The following PRKN variants were observed in gnomAD, a reference collection of about 807,000 sequenced individuals.
PRKN encodes E3 ubiquitin-protein ligase parkin.
In PRKN, 56 loss-of-function variants were observed where a neutral mutation model predicts 59.5. That is an observed-to-expected ratio of 0.94 (90% CI 0.76 to 1.18). The LOEUF is 1.18. Among genes scored for constraint, PRKN ranks in the 50% most tolerant of loss-of-function variants. The pLI is 0.00. For synonymous variants in PRKN, 250 were observed against 222.1 expected (o/e 1.13, Z -1.12); for missense variants, 657 against 596.4 (o/e 1.10, Z -1.06).
At chr6:161,696,725 A>T (rs2128177558) in intron 7 of PRKN, among the ~76,000 whole-genome samples, 1 of 152,318 alleles carries the variant, frequency 6.6e-6, no homozygotes, top group Non-Finnish European at 1.5e-5. Context: ...TTTATTGTTA[A>T]GATTATTTCA....
intron 7 of PRKN, among the ~76,000 whole-genome samples, chr6:161,688,029 C>T (rs955980400): frequency 4.6e-5 from 7 of 152,052 alleles, no homozygotes; most frequent in Non-Finnish European, 8.8e-5. Flanking sequence ...TTCCTTCCCT[C>T]GTCAGTCTTT....
intron 1 of PRKN, among the ~76,000 whole-genome samples, chr6:162,444,671 C>A (rs925167632): frequency 6.6e-6 from 1 of 152,090 alleles, no homozygotes; most frequent in African/African-American, 2.4e-5. Flanking sequence ...ATTCAGGGCA[C>A]CAGTGGCATT....
intron 1 of PRKN, among the ~76,000 whole-genome samples, chr6:162,616,080 C>A (rs989308098): frequency 6.6e-6 from 1 of 152,158 alleles, no homozygotes; most frequent in Non-Finnish European, 1.5e-5. Flanking sequence ...GCTCTTAAAC[C>A]TATAAATATT....
At chr6:161,491,217 A>G (rs1314731528) in intron 9 of PRKN, among the ~76,000 whole-genome samples, 3 of 152,170 alleles carry the variant, frequency 2.0e-5, no homozygotes, top group African/African-American at 7.2e-5. Context: ...TCTCTTAGAA[A>G]ACTTCGTATG....
rs79280529 is a variant in PRKN at position 161,457,090 on chromosome 6, C to T, written c.1084-70213G>A. ...TTAACAAATATCCACTGAGCGTCTTCGCTACGCAAGGCTCTCTTCCAGACC... is the reference window on the plus strand; with the variant it reads ...TTAACAAATATCCACTGAGCGTCTTTGCTACGCAAGGCTCTCTTCCAGACC... On this transcript the variant is annotated intron_variant, in intron 9 of 11. Coordinates refer to ENST00000366898, the MANE Select transcript of PRKN (RefSeq NM_004562.3). The surrounding 1 kb of genome is among the most constrained non-coding windows in gnomAD (Gnocchi z 5.0). 0.048 allele frequency among the ~76,000 whole-genome samples: 7,283 copies of T among 152,284 alleles called. 196 individuals are homozygous for T. Among genetic ancestry groups the T allele is most frequent in the African/African-American group, 0.069 (2,858 of 41,560 alleles).
chr6:162,433,692 ATGTTTG>A (rs1028052308), intron 2 of PRKN, among the ~76,000 whole-genome samples: 1 of 131,878 alleles, frequency 7.6e-6, no homozygotes, highest in African/African-American at 3.4e-5. Flanking sequence ...TCTTAAACAA[ATGTTTG>A]TGTTTATTTC....
chr6:162,141,316 G>A (rs75095442), intron 4 of PRKN, among the ~76,000 whole-genome samples: 22,913 of 151,944 alleles, frequency 0.15, 2,108 homozygotes, highest in African/African-American at 0.25. Context: ...AAGTATCTAA[G>A]ATTCAAAACT....
chr6:161,543,985 C>A (rs1029770497), intron 9 of PRKN, among the ~76,000 whole-genome samples: 4 of 152,126 alleles, frequency 2.6e-5, no homozygotes, highest in African/African-American at 9.7e-5. Flanking sequence ...AACATGAATT[C>A]TTTAGGAAAT....
intron 2 of PRKN, among the ~76,000 whole-genome samples, chr6:162,373,735 A>G (rs187936531): frequency 2.7e-4 from 41 of 152,308 alleles, no homozygotes; most frequent in African/African-American, 7.7e-4. Flanking sequence ...ATCTTAAGAA[A>G]GAAAATTATT....
intron 4 of PRKN, among the ~76,000 whole-genome samples, chr6:162,088,077 C>T (rs750340056): frequency 4.6e-5 from 7 of 152,178 alleles, no homozygotes; most frequent in Non-Finnish European, 1.0e-4. Context: ...ATTTCTAACC[C>T]TGTCCCACAT....
chr6:161,789,758 C>T (rs753417001), intron 6 of PRKN, among the ~76,000 whole-genome samples: 4 of 152,108 alleles, frequency 2.6e-5, no homozygotes, highest in Non-Finnish European at 5.9e-5. Flanking sequence ...CTTGCTTAAC[C>T]CTTTCATGAC....
intron 7 of PRKN, among the ~76,000 whole-genome samples, chr6:161,643,495 C>T (rs1021030031): frequency 1.3e-5 from 2 of 152,102 alleles, no homozygotes; most frequent in Admixed American, 6.5e-5. Context: ...TGTTTACTCT[C>T]GGAAAAATAA....
At chr6:161,507,141 C>G (rs1056226365) in intron 9 of PRKN, among the ~76,000 whole-genome samples, 1 of 152,158 alleles carries the variant, frequency 6.6e-6, no homozygotes, top group Non-Finnish European at 1.5e-5. Context: ...CCTGAAAGAT[C>G]TGAACTTTTT....
chr6:161,818,018 T>C (rs142190647), intron 6 of PRKN, among the ~76,000 whole-genome samples: 2,961 of 152,258 alleles, frequency 0.019, 33 homozygotes, highest in Middle Eastern at 0.037. Flanking sequence ...AGAAACAGCA[T>C]TGGCACCAAT....
At chr6:162,673,182 A>C (rs1779400364) in intron 1 of PRKN, among the ~76,000 whole-genome samples, 3 of 152,212 alleles carry the variant, frequency 2.0e-5, no homozygotes, top group Non-Finnish European at 4.4e-5. Flanking sequence ...TTAATCTGTA[A>C]ACACTGAATG....
intron 1 of PRKN, among the ~76,000 whole-genome samples, chr6:162,628,114 G>A (rs1782968555): frequency 6.6e-6 from 1 of 152,088 alleles, no homozygotes; most frequent in Non-Finnish European, 1.5e-5. Context: ...AGAGTTTGTG[G>A]GGTTAGAAGC....
At chr6:162,246,663 T>C (rs898380064) in intron 3 of PRKN, among the ~76,000 whole-genome samples, 9 of 152,142 alleles carry the variant, frequency 5.9e-5, no homozygotes, top group African/African-American at 1.9e-4. Flanking sequence ...TTTTTCAGTG[T>C]TAAATATGTG....
chr6:161,393,459 C>T lies in PRKN; in HGVS notation c.1084-6582G>A, dbSNP rs184988094. Among the ~76,000 whole-genome samples, 16 of 152,256 alleles carry T rather than the reference C, an allele frequency of 1.1e-4. No homozygotes were observed. Among genetic ancestry groups the T allele is most frequent in the South Asian group, 4.1e-4 (2 of 4,832 alleles). On this transcript the variant is annotated intron_variant, in intron 9 of 11. Transcript: ENST00000366898. This position sits in a 1 kb window ranked among gnomAD's most constrained non-coding sequence, Gnocchi z 4.7. ...GTAAGTCACTGTCAGCCCCCTTAGACGCTCTGTACTACCAGAGAGCTATGT... is the reference window on the plus strand; with the variant it reads ...GTAAGTCACTGTCAGCCCCCTTAGATGCTCTGTACTACCAGAGAGCTATGT...
chr6:162,136,193 T>A (rs1038182962), intron 4 of PRKN, among the ~76,000 whole-genome samples: 2 of 151,474 alleles, frequency 1.3e-5, no homozygotes, highest in Non-Finnish European at 2.9e-5. Flanking sequence ...AGGTATAATT[T>A]TATATATATT....
Sources: gnomAD v4.1 joint callset for allele counts (sites outside exome capture counted in the v4.1 genomes callset) on GRCh38, gnomAD v4.1.1 for gene constraint, Gnocchi (gnomAD v3.1) non-coding constraint, MANE v1.5 for transcripts, NCBI Gene and HGNC (gene_info 2026-07-23, HGNC 2026-07-21) for gene names.